The following TRMT13 variants were observed in gnomAD, a reference collection of about 807,000 sequenced individuals.
The protein encoded by TRMT13 is tRNA methyltransferase 13, also known as tRNA:m(4)X modification enzyme TRM13 homolog.
Under a neutral mutation model 55.9 loss-of-function variants are expected in TRMT13, and 45 were observed. The observed-to-expected ratio is 0.80, with a 90% CI of 0.63 to 1.03. The LOEUF (loss-of-function observed/expected upper bound fraction) is 1.03, where lower values mean the gene tolerates loss of function less well. TRMT13 is among the 50% of genes least tolerant of loss of function. The pLI, the probability that TRMT13 is intolerant of heterozygous loss-of-function variation, is 0.00. For synonymous variants in TRMT13, 183 were observed against 196.3 expected (o/e 0.93, Z 0.57); for missense variants, 513 against 563.9 (o/e 0.91, Z 0.91).
intron 1 of TRMT13, among the ~76,000 whole-genome samples, 183 bp from the exon 2 acceptor site, chr1:100,136,699 A>G (rs544578095): frequency 6.6e-6 from 1 of 152,192 alleles, no homozygotes; most frequent in Non-Finnish European, 1.5e-5. Context: ...ATATGTATTT[A>G]AGCCAGTACA....
chr1:100,134,543 CA>C (rs1223456302), intron 1 of TRMT13, among the ~76,000 whole-genome samples: 1 of 152,110 alleles, frequency 6.6e-6, no homozygotes, highest in Admixed American at 6.5e-5. Flanking sequence ...TGGCATTTAC[CA>C]AAAGTGAAGC....
chr1:100,136,762 T>A, intron 1 of TRMT13, 120 bp from the exon 2 acceptor site: 1 of 955,882 alleles, frequency 1.0e-6, no homozygotes, highest in East Asian at 2.7e-5. Context: ...CTTTTCATTA[T>A]GTCCTTGTAA....
At chr1:100,143,475 G>GT (rs1656867553) in intron 8 of TRMT13, among the ~76,000 whole-genome samples, 1 of 152,128 alleles carries the variant, frequency 6.6e-6, no homozygotes, top group South Asian at 2.1e-4. Context: ...TACTTCTGTT[G>GT]TTTCTTTGTC....
rs1657756446 is a variant in TRMT13 at position 100,149,617 on chromosome 1, A to G, written c.*797A>G. The G allele has an allele frequency of 2.1e-6, 1 of 486,856 alleles. No homozygotes were observed. Among genetic ancestry groups the G allele is most frequent in the Non-Finnish European group, 3.6e-6 (1 of 278,880 alleles). 30.2% of individuals were successfully genotyped at this position (486,856 alleles called of 1,614,324 possible). ...ATATATGTAGGCACAAACAATAAGT[A>G]TGTTCTCTTCTGTTTGGGAAAATAA... On this transcript the variant is annotated 3_prime_UTR_variant, in exon 11 of 11. Coordinates refer to ENST00000370141, the MANE Select transcript of TRMT13 (RefSeq NM_019083.3).
In TRMT13 at chr1:100,148,309, C is replaced by T. The variant is rs141161599; in HGVS notation, c.1233C>T (p.Gly411=). 3.8e-5 allele frequency: 61 copies of T among 1,612,750 alleles called. No individual in the cohort carries two copies. The Middle Eastern group carries it at 6.6e-4, about 17-fold the overall frequency. The change falls in exon 10 of 11, where the codon GGC becomes GGT. Residue 411 remains glycine, a synonymous_variant. Transcript: ENST00000370141. ...GAGGATACAGAATCACAGATGATGG[C>T]GCTGATTGTTTGCCTGGGTAAGAGA... ...DDGGYRITDD[G]ADCLPGLLSV...
chr1:100,148,770 T>C lies in TRMT13; in HGVS notation c.1396T>C (p.Leu466=). 1 of 1,562,222 alleles carries C rather than the reference T, an allele frequency of 6.4e-7. No homozygotes were observed. The highest frequency in any genetic ancestry group is 8.6e-7 in the Non-Finnish European group (1 of 1,158,674). The change falls in exon 11 of 11, where the codon TTG becomes CTG. Residue 466 remains leucine (L), a synonymous_variant. Transcript: ENST00000370141. The part of the protein sequence containing the change: ...TDPLVSLENV[L]LTALPNHSSS... ...CCCTCTGGTGTCTTTGGAAAATGTTTTGTTAACTGCTTTACCAAATCATTC... is the reference window on the plus strand; with the variant it reads ...CCCTCTGGTGTCTTTGGAAAATGTTCTGTTAACTGCTTTACCAAATCATTC...
In TRMT13 at chr1:100,148,734, T is replaced by C; in HGVS notation, c.1360T>C (p.Tyr454His). ...QQKGFSPALQ[Y>H]YTDPLVSLEN... The stretch of plus-strand genomic sequence containing the variant: ...GAAGGGATTCAGTCCTGCTTTGCAG[T>C]ACTATACAGACCCTCTGGTGTCTTT... Residue 454 changes from tyrosine to histidine, a missense_variant, in exon 11 of 11, where the codon TAC (tyrosine) becomes CAC (histidine). Physicochemically the swap from Tyr to His is moderately conservative, Grantham distance 83 (BLOSUM62 2). Coordinates refer to ENST00000370141, the MANE Select transcript of TRMT13 (RefSeq NM_019083.3). 6.2e-7 allele frequency: 1 copy of C among 1,610,358 alleles called. No homozygotes were observed. Among genetic ancestry groups the C allele is most frequent in the Non-Finnish European group, 8.5e-7 (1 of 1,178,022 alleles).
chr1:100,141,139 T>C, intron 7 of TRMT13, 120 bp downstream of exon 7: 1 of 966,082 alleles, frequency 1.0e-6, no homozygotes, highest in Non-Finnish European at 1.5e-6. Flanking sequence ...ATCTGTTTGT[T>C]GTAGCTTTTT....
At chr1:100,135,538 AGTTTT>A (rs1159070718) in intron 1 of TRMT13, among the ~76,000 whole-genome samples, 4 of 152,180 alleles carry the variant, frequency 2.6e-5, no homozygotes, top group African/African-American at 2.4e-5. Context: ...TGGGCTAGGC[AGTTTT>A]GTTTTGTTAA....
chr1:100,146,863 A>G (rs1275560520), intron 9 of TRMT13, among the ~76,000 whole-genome samples: 1 of 152,248 alleles, frequency 6.6e-6, no homozygotes, highest in Non-Finnish European at 1.5e-5. Flanking sequence ...ATATGAATAA[A>G]ACAATGACTA....
chr1:100,149,646 G>A lies in TRMT13; in HGVS notation c.*826G>A. The A allele has an allele frequency of 7.9e-6, 3 of 381,866 alleles. No homozygotes were observed. The highest frequency in any genetic ancestry group is 4.2e-5 in the South Asian group (1 of 23,734). The allele number at this position is 381,866 out of a possible 1,614,324, so 23.7% of individuals were successfully genotyped here. A position where few individuals can be genotyped will look rare whatever the true frequency, so the allele number is the denominator to read the frequency against. On this transcript the variant is annotated 3_prime_UTR_variant, in exon 11 of 11. Coordinates refer to ENST00000370141, the MANE Select transcript of TRMT13 (RefSeq NM_019083.3). ...TCTCTTCTGTTTGGGAAAATAATTTGGAATAAAATAGAAATTAGATAATGA... is the reference window on the plus strand; with the variant it reads ...TCTCTTCTGTTTGGGAAAATAATTTAGAATAAAATAGAAATTAGATAATGA...
At chr1:100,137,806 G>A (rs1016975900) in intron 3 of TRMT13, among the ~76,000 whole-genome samples, 2 of 152,208 alleles carry the variant, frequency 1.3e-5, no homozygotes, top group Non-Finnish European at 2.9e-5. Flanking sequence ...ATGCCTCCCA[G>A]TTGAGAACCA....
chr1:100,144,728 C>A (rs932962694), intron 9 of TRMT13, among the ~76,000 whole-genome samples: 1 of 152,122 alleles, frequency 6.6e-6, no homozygotes, highest in Non-Finnish European at 1.5e-5. Context: ...TTGGTTACCT[C>A]ATCTATAAAA....
intron 9 of TRMT13, among the ~76,000 whole-genome samples, chr1:100,145,818 C>G (rs1657172013): frequency 6.6e-6 from 1 of 152,230 alleles, no homozygotes; most frequent in Non-Finnish European, 1.5e-5. Flanking sequence ...CTGCAGTCAA[C>G]TGGGATAGCA....
chr1:100,143,319 A>C, intron 8 of TRMT13, 110 bp downstream of exon 8: 1 of 589,492 alleles, frequency 1.7e-6, no homozygotes, highest in South Asian at 2.6e-5. Flanking sequence ...AAAACAGTCA[A>C]ATCAATTCAT....
At chr1:100,140,042 A>G in intron 4 of TRMT13, 140 bp from the exon 5 acceptor site, 1 of 623,546 alleles carries the variant, frequency 1.6e-6, no homozygotes, top group South Asian at 2.1e-5. Flanking sequence ...TTCTGATGGC[A>G]GCTTAGGGAA....
chr1:100,134,303 A>G (rs543901740), intron 1 of TRMT13, among the ~76,000 whole-genome samples: 17 of 152,330 alleles, frequency 1.1e-4, no homozygotes, highest in Middle Eastern at 3.4e-3. Flanking sequence ...CAGAGGAGCA[A>G]AATGCTCATA....
At chr1:100,146,567 G>A (rs1294686705) in intron 9 of TRMT13, among the ~76,000 whole-genome samples, 3 of 151,756 alleles carry the variant, frequency 2.0e-5, no homozygotes, top group African/African-American at 7.3e-5. Context: ...GTGCAGTGGC[G>A]CAATCTCGGC....
At chr1:100,133,415 T>C in intron 1 of TRMT13, 100 bp downstream of exon 1, 4 of 1,381,420 alleles carry the variant, frequency 2.9e-6, no homozygotes, top group Non-Finnish European at 3.9e-6. Context: ...TTTCTGCTTG[T>C]GTCCCCTGGA....
Sources: allele counts gnomAD v4.1 joint callset (sites outside exome capture counted in the v4.1 genomes callset), GRCh38; gene constraint gnomAD v4.1.1; transcripts MANE v1.5; gene names NCBI Gene and HGNC (gene_info 2026-07-23, HGNC 2026-07-21).